The following PTPRT variants were observed in gnomAD, a reference collection of about 807,000 sequenced individuals.
PTPRT encodes receptor-type tyrosine-protein phosphatase T.
A neutral mutation model predicts 176.8 loss-of-function variants in PTPRT; 56 were observed. That is an observed-to-expected ratio of 0.32 (90% CI 0.26 to 0.40). The LOEUF is 0.40. Among genes scored for constraint, PTPRT ranks in the 10% least tolerant of loss-of-function variants. The probability of loss-of-function intolerance (pLI) is 1.00; values close to 1 mark genes in which losing one functional copy is unlikely to be tolerated. For synonymous variants in PTPRT, 783 were observed against 739.0 expected (o/e 1.06, Z -0.96); for missense variants, 1,540 against 1,908.2 (o/e 0.81, Z 3.60).
At chr20:42,677,523 A>T (rs1444508378) in intron 7 of PTPRT, among the ~76,000 whole-genome samples, 1 of 152,126 alleles carries the variant, frequency 6.6e-6, no homozygotes, top group Non-Finnish European at 1.5e-5. Flanking sequence ...AGCCTCAGAC[A>T]TACAAATGGC....
At chr20:43,181,603 A>G (rs990809684) in intron 1 of PTPRT, among the ~76,000 whole-genome samples, 1 of 152,210 alleles carries the variant, frequency 6.6e-6, no homozygotes, top group Non-Finnish European at 1.5e-5. Context: ...TATTCAAACT[A>G]ACTTTACAAA....
chr20:43,064,189 A>C (rs976822161), intron 1 of PTPRT, among the ~76,000 whole-genome samples: 3 of 152,168 alleles, frequency 2.0e-5, no homozygotes, highest in Admixed American at 6.5e-5. Context: ...TGAAAGGTAG[A>C]CTTTATATGA....
the PTPRT span, among the ~76,000 whole-genome samples, chr20:42,040,360 G>T: frequency 6.6e-6 from 1 of 152,078 alleles, no homozygotes; most frequent in South Asian, 2.1e-4. Context: ...AGTCAGGGTG[G>T]GCTAGCTTGG....
chr20:42,888,662 T>C (rs1329334021), intron 1 of PTPRT, among the ~76,000 whole-genome samples: 1 of 152,162 alleles, frequency 6.6e-6, no homozygotes, highest in Non-Finnish European at 1.5e-5. Context: ...CTTTCACTTA[T>C]AAGGTAATAA....
chr20:42,624,727 C>T (rs912606867), intron 7 of PTPRT, among the ~76,000 whole-genome samples: 8 of 152,170 alleles, frequency 5.3e-5, no homozygotes, highest in Non-Finnish European at 1.0e-4. Flanking sequence ...AGCTGCAAAT[C>T]ATAGTTAATT....
chr20:42,761,961 G>C (rs557717523), intron 5 of PTPRT, among the ~76,000 whole-genome samples: 1 of 152,198 alleles, frequency 6.6e-6, no homozygotes, highest in South Asian at 2.1e-4. Flanking sequence ...AGGGTAGAGA[G>C]TGCAGTGTTC....
intron 25 of PTPRT, among the ~76,000 whole-genome samples, chr20:42,103,582 C>T (rs1986151990): frequency 6.6e-6 from 1 of 152,242 alleles, no homozygotes; most frequent in Non-Finnish European, 1.5e-5. Flanking sequence ...TCTCCTGCCT[C>T]AGCCTCCTGA....
intron 16 of PTPRT, among the ~76,000 whole-genome samples, chr20:42,193,057 G>A (rs1486695459): frequency 6.6e-6 from 1 of 152,194 alleles, no homozygotes; most frequent in Non-Finnish European, 1.5e-5. Flanking sequence ...AAAGGTCAAA[G>A]GAAAGACAAA....
chr20:43,024,246 G>C (rs1382856113), intron 1 of PTPRT, among the ~76,000 whole-genome samples: 1 of 152,126 alleles, frequency 6.6e-6, no homozygotes, highest in Non-Finnish European at 1.5e-5. Context: ...GTAAATGAGT[G>C]CATGGATATT....
At chr20:42,905,636 T>G (rs1263904887) in intron 1 of PTPRT, among the ~76,000 whole-genome samples, 3 of 152,206 alleles carry the variant, frequency 2.0e-5, no homozygotes, top group African/African-American at 7.2e-5. Context: ...ATTGTGGCAC[T>G]ATTCGCAATA....
At chr20:43,076,569 T>C (rs2011285535) in intron 1 of PTPRT, among the ~76,000 whole-genome samples, 1 of 152,084 alleles carries the variant, frequency 6.6e-6, no homozygotes, top group Non-Finnish European at 1.5e-5. Flanking sequence ...GCCTTCTCAG[T>C]TCCCCAAAAA....
At chr20:42,557,079 A>C (rs2072873566) in intron 7 of PTPRT, among the ~76,000 whole-genome samples, 1 of 152,196 alleles carries the variant, frequency 6.6e-6, no homozygotes, top group Non-Finnish European at 1.5e-5. Context: ...TGGCAGAGGC[A>C]GGATGGTTAG....
chr20:42,315,597 A>T (rs1485686888), intron 12 of PTPRT, 126 bp downstream of exon 12: 2 of 1,091,906 alleles, frequency 1.8e-6, no homozygotes, highest in African/African-American at 3.2e-5. Context: ...ATTTAAAGGC[A>T]TGAGGTAGGA....
chr20:42,263,342 G>A (rs1169926326), intron 13 of PTPRT, among the ~76,000 whole-genome samples: 1 of 148,488 alleles, frequency 6.7e-6, no homozygotes, highest in Non-Finnish European at 1.5e-5. Context: ...ACCTCAGTTA[G>A]GGCCACAGGC....
chr20:42,695,410 T>C (rs1483423304), intron 6 of PTPRT, among the ~76,000 whole-genome samples: 2 of 152,210 alleles, frequency 1.3e-5, no homozygotes, highest in Non-Finnish European at 2.9e-5. Flanking sequence ...TTGATTCTAT[T>C]TCCTACCATA....
intron 7 of PTPRT, among the ~76,000 whole-genome samples, chr20:42,502,057 T>A (rs1328976872): frequency 6.6e-6 from 1 of 152,138 alleles, no homozygotes; most frequent in African/African-American, 2.4e-5. Flanking sequence ...AGATTTTCAA[T>A]TATTGATTCA....
intron 1 of PTPRT, among the ~76,000 whole-genome samples, chr20:43,069,265 T>C (rs894273349): frequency 2.0e-5 from 3 of 152,172 alleles, no homozygotes; most frequent in African/African-American, 7.2e-5. Flanking sequence ...AACGCGCGCA[T>C]CCAGCTGGGA....
chr20:42,572,162 T>C (rs2073167530), intron 7 of PTPRT, among the ~76,000 whole-genome samples: 1 of 152,056 alleles, frequency 6.6e-6, no homozygotes, highest in Non-Finnish European at 1.5e-5. Flanking sequence ...CCCTCAAACC[T>C]CTTTTACATG....
intron 17 of PTPRT, among the ~76,000 whole-genome samples, chr20:42,153,433 G>A (rs1469377370): frequency 1.3e-5 from 2 of 152,108 alleles, no homozygotes; most frequent in East Asian, 3.8e-4. Flanking sequence ...TGAGGACCAG[G>A]TTTTGACTCT....
Sources: gnomAD v4.1 joint callset for allele counts (sites outside exome capture counted in the v4.1 genomes callset) on GRCh38, gnomAD v4.1.1 for gene constraint, MANE v1.5 for transcripts, NCBI Gene and HGNC (gene_info 2026-07-23, HGNC 2026-07-21) for gene names.